RASAL2: variants seen among roughly 807,000 people sequenced by gnomAD.
RASAL2 encodes the protein RAS protein activator like 2, also known as ras GTPase-activating protein nGAP.
In RASAL2, 58 loss-of-function variants were observed where a neutral mutation model predicts 128.9. The observed-to-expected ratio is 0.45, with a 90% CI of 0.36 to 0.56. The LOEUF is 0.56. Ranked by LOEUF, RASAL2 falls within the 20% of genes least tolerant of loss-of-function variation. The pLI, the probability that RASAL2 is intolerant of heterozygous loss-of-function variation, is 0.00. For synonymous variants in RASAL2, 561 were observed against 580.8 expected (o/e 0.97, Z 0.49); for missense variants, 1,360 against 1,601.6 (o/e 0.85, Z 2.57).
At chr1:178,411,552 A>G in intron 4 of RASAL2, 2 of 625,680 alleles carry the variant, frequency 3.2e-6, no homozygotes, top group Non-Finnish European at 5.8e-6. Flanking sequence ...TATTGAATAA[A>G]AATAAAAATT....
chr1:178,311,241 T>TACACACACACAAACACAC (rs1553210258), intron 3 of RASAL2, among the ~76,000 whole-genome samples: 1 of 73,670 alleles, frequency 1.4e-5, no homozygotes, highest in Admixed American at 1.6e-4. Context: ...AAAACAGCCA[T>TACACACACACAAACACAC]ACACACACAC....
chr1:178,372,882 A>G (rs1671792488), intron 3 of RASAL2, among the ~76,000 whole-genome samples: 1 of 152,136 alleles, frequency 6.6e-6, no homozygotes, highest in Admixed American at 6.5e-5. Context: ...GCAATTGTTT[A>G]TCTTGTGGTT....
At chr1:178,336,743 C>T (rs990468182) in intron 3 of RASAL2, among the ~76,000 whole-genome samples, 4 of 151,936 alleles carry the variant, frequency 2.6e-5, no homozygotes, top group Non-Finnish European at 5.9e-5. Context: ...ATTACAGGCA[C>T]GTCCTTGGCT....
intron 4 of RASAL2, among the ~76,000 whole-genome samples, chr1:178,390,414 C>T (rs918524541): frequency 2.7e-4 from 41 of 152,140 alleles, no homozygotes; most frequent in African/African-American, 9.4e-4. Flanking sequence ...GAGTCTCACT[C>T]TGTCATCCAG....
Position 178,307,483 on chromosome 1 carries a change from A to G in RASAL2, c.457+7365A>G, listed in dbSNP as rs1349648472. Reference sequence around the variant, plus strand: ...ACTTGCTGAATTTTCAAGAGGAGGTAGTAGGGTTCTTTGTATACAAATAAT... The same window carrying G: ...ACTTGCTGAATTTTCAAGAGGAGGTGGTAGGGTTCTTTGTATACAAATAAT... On this transcript the variant is annotated intron_variant, in intron 3 of 17. Transcript: ENST00000367649. 3.3e-5 allele frequency among the ~76,000 whole-genome samples: 5 copies of G among 152,192 alleles called. No homozygotes were observed. In the East Asian group the frequency reaches 9.6e-4, roughly 29 times the overall value.
intron 3 of RASAL2, among the ~76,000 whole-genome samples, chr1:178,337,413 A>G (rs977327935): frequency 6.6e-6 from 1 of 152,214 alleles, no homozygotes; most frequent in South Asian, 2.1e-4. Flanking sequence ...CATTCAAATG[A>G]TAAACAATGG....
At chr1:178,141,689 A>G (rs956236345) in intron 1 of RASAL2, among the ~76,000 whole-genome samples, 3 of 152,166 alleles carry the variant, frequency 2.0e-5, no homozygotes, top group Non-Finnish European at 2.9e-5. Context: ...TGTCATTAAC[A>G]TCGGAGCATG....
At chr1:178,411,199 G>A (rs941977537) in intron 4 of RASAL2, among the ~76,000 whole-genome samples, 1 of 150,154 alleles carries the variant, frequency 6.7e-6, no homozygotes, top group Non-Finnish European at 1.5e-5. Flanking sequence ...CACACCCCAT[G>A]GAATACTACT....
intron 1 of RASAL2, among the ~76,000 whole-genome samples, chr1:178,270,248 A>C (rs1218863643): frequency 6.6e-6 from 1 of 152,060 alleles, no homozygotes; most frequent in African/African-American, 2.4e-5. Context: ...TTCGATCTAG[A>C]AACTCACATC....
chr1:178,370,600 T>C (rs1671648938), intron 3 of RASAL2, among the ~76,000 whole-genome samples: 2 of 152,314 alleles, frequency 1.3e-5, no homozygotes, highest in South Asian at 4.1e-4. Flanking sequence ...TAAGTAATCG[T>C]CAAAATGGTT....
chr1:178,108,397 G>T (rs559190153), intron 1 of RASAL2, among the ~76,000 whole-genome samples: 1 of 152,288 alleles, frequency 6.6e-6, no homozygotes, highest in Admixed American at 6.5e-5. Flanking sequence ...TGATGATAAT[G>T]ATGATAATGA....
chr1:178,411,165 T>TAC (rs138482764), intron 4 of RASAL2, among the ~76,000 whole-genome samples: 50 of 149,660 alleles, frequency 3.3e-4, no homozygotes, highest in South Asian at 1.3e-3. Context: ...TGTGTGTGTG[T>TAC]ACACACACAC....
chr1:178,381,423 G>GC (rs1225228678), intron 3 of RASAL2, among the ~76,000 whole-genome samples: 1 of 152,106 alleles, frequency 6.6e-6, no homozygotes, highest in African/African-American at 2.4e-5. Context: ...GTGTGTGTTG[G>GC]CTAAAGGGGG....
At chr1:178,226,152 A>T (rs1036868244) in intron 1 of RASAL2, among the ~76,000 whole-genome samples, 1 of 152,180 alleles carries the variant, frequency 6.6e-6, no homozygotes. Flanking sequence ...GAGCTTAGAA[A>T]TGTGGAATCT....
At position 178,116,601 on chromosome 1, in the gene RASAL2, G is replaced by GTTATT. The variant is rs146900866; in HGVS notation, c.202+21925_202+21929dup. On this transcript the variant is annotated intron_variant, in intron 1 of 17. Transcript: ENST00000367649. ...TTTGCTCAAAGTTTCTTAATAGATTGTTATTTTATTTTATTTTATTTTTTT... is the reference window on the plus strand; with the variant it reads ...TTTGCTCAAAGTTTCTTAATAGATTGTTATTTTATTTTATTTTATTTTATTTTTTT... Among the ~76,000 whole-genome samples the GTTATT allele has an allele frequency of 2.1e-3, 313 of 151,786 alleles. 8 individuals are homozygous for GTTATT. The East Asian group carries it at 0.056, about 27-fold the overall frequency.
At chr1:178,434,613 A>C (rs894498428) in intron 5 of RASAL2, among the ~76,000 whole-genome samples, 4 of 152,088 alleles carry the variant, frequency 2.6e-5, no homozygotes, top group African/African-American at 9.7e-5. Flanking sequence ...CTAACATAAA[A>C]ATCAGTGAGT....
chr1:178,372,167 G>T (rs1671756429), intron 3 of RASAL2: 1 of 985,192 alleles, frequency 1.0e-6, no homozygotes, highest in East Asian at 1.1e-4. Flanking sequence ...CAAGAATTTA[G>T]TCTCTGTATC....
chr1:178,466,165 C>A, intron 16 of RASAL2, 43 bp downstream of exon 16: 1 of 1,497,608 alleles, frequency 6.7e-7, no homozygotes, highest in African/African-American at 1.4e-5. Context: ...GTTAGCAAGA[C>A]AAAGAATTGA....
At chr1:178,216,712 T>C (rs1663432353) in intron 1 of RASAL2, among the ~76,000 whole-genome samples, 1 of 152,196 alleles carries the variant, frequency 6.6e-6, no homozygotes, top group Admixed American at 6.5e-5. Flanking sequence ...CGATCTTGGC[T>C]CACTGCAGCC....
Sources: allele counts gnomAD v4.1 joint callset (sites outside exome capture counted in the v4.1 genomes callset), GRCh38; gene constraint gnomAD v4.1.1; transcripts MANE v1.5; gene names NCBI Gene and HGNC (gene_info 2026-07-23, HGNC 2026-07-21).